TPRG1: variants seen among roughly 807,000 people sequenced by gnomAD.
TPRG1 encodes the protein tumor protein p63 regulated 1.
In TPRG1, 29 loss-of-function variants were observed where a neutral mutation model predicts 29.3. The ratio of observed to expected loss-of-function variants is 0.99; its 90% CI spans 0.74 to 1.35. The LOEUF is 1.35. TPRG1 is among the 40% of genes most tolerant of loss of function. TPRG1 has a pLI of 0.00. For missense variants in TPRG1, 327 were observed against 335.0 expected, an observed-to-expected ratio of 0.98 and a Z score of 0.19; for synonymous variants, 130 against 116.8, an observed-to-expected ratio of 1.11 and a Z score of -0.73.
intron 4 of TPRG1, among the ~76,000 whole-genome samples, chr3:189,239,666 G>A (rs1216869062): frequency 6.6e-6 from 1 of 152,170 alleles, no homozygotes; most frequent in Non-Finnish European, 1.5e-5. Flanking sequence ...CAAAGCGGTA[G>A]CTAAAAAGAG....
chr3:189,288,511 A>G (rs1296054431), intron 4 of TPRG1, among the ~76,000 whole-genome samples: 1 of 152,244 alleles, frequency 6.6e-6, no homozygotes, highest in Non-Finnish European at 1.5e-5. Flanking sequence ...CTGATCATAA[A>G]CCAGTAACTG....
rs373255450 is a variant in TPRG1 at position 189,323,945 on chromosome 3, A to G, written c.*3125A>G. ...CAAATGCCTCACTATCTTCTGATACATCGTAGGCAGTTCTGAGGGTGAGAA... is the reference window on the plus strand; with the variant it reads ...CAAATGCCTCACTATCTTCTGATACGTCGTAGGCAGTTCTGAGGGTGAGAA... On this transcript the variant is annotated 3_prime_UTR_variant, in exon 6 of 6. Coordinates refer to ENST00000345063, the MANE Select transcript of TPRG1 (RefSeq NM_198485.4). The G allele has an allele frequency of 1.3e-5, 2 of 152,146 alleles. No individual in the cohort carries two copies. The highest frequency in any genetic ancestry group is 1.9e-4 in the East Asian group (1 of 5,186). The allele number at this position is 152,146 out of a possible 1,614,324, so 9.4% of individuals were successfully genotyped here.
chr3:189,172,325 G>T (rs944647159), intron 1 of TPRG1, among the ~76,000 whole-genome samples, 194 bp downstream of exon 1: 4 of 149,098 alleles, frequency 2.7e-5, no homozygotes, highest in Admixed American at 1.3e-4. Flanking sequence ...GAGGCTTGTA[G>T]GCTAGCATTT....
intron 5 of TPRG1, among the ~76,000 whole-genome samples, chr3:189,318,728 C>T (rs1001752424): frequency 2.0e-5 from 3 of 152,056 alleles, no homozygotes. Flanking sequence ...CTTTCTTTTC[C>T]AGAGAATTTA....
intron 4 of TPRG1, among the ~76,000 whole-genome samples, chr3:189,039,579 T>G (rs1035257548): frequency 1.3e-5 from 2 of 152,194 alleles, no homozygotes; most frequent in Non-Finnish European, 2.9e-5. Flanking sequence ...CAACAGAAAT[T>G]TGGAGACCTC....
chr3:189,016,883 T>C (rs1208419182), intron 3 of TPRG1, among the ~76,000 whole-genome samples: 1 of 152,202 alleles, frequency 6.6e-6, no homozygotes, highest in African/African-American at 2.4e-5. Flanking sequence ...AAACCTCTTT[T>C]CTTCATAAAT....
intron 5 of TPRG1, chr3:189,315,483 G>A (rs760086567): frequency 4.4e-6 from 2 of 455,142 alleles, no homozygotes; most frequent in African/African-American, 2.0e-5. Flanking sequence ...GCTTTGCTGG[G>A]TTCCTACAGT....
At chr3:189,230,430 A>G (rs1016639592) in intron 3 of TPRG1, among the ~76,000 whole-genome samples, 3 of 151,414 alleles carry the variant, frequency 2.0e-5, no homozygotes, top group African/African-American at 7.3e-5. Context: ...ATAGTCATAA[A>G]TTGCAAAAAA....
At chr3:189,132,929 A>G (rs932974369) in intron 3 of TPRG1, among the ~76,000 whole-genome samples, 2 of 152,172 alleles carry the variant, frequency 1.3e-5, no homozygotes, top group African/African-American at 4.8e-5. Context: ...GGATGGAGAT[A>G]TAATCAACAT....
At chr3:189,070,456 A>G (rs1403537844) in intron 4 of TPRG1, among the ~76,000 whole-genome samples, 1 of 152,192 alleles carries the variant, frequency 6.6e-6, no homozygotes, top group Non-Finnish European at 1.5e-5. Flanking sequence ...TTCTCTGGGG[A>G]TATTTGATTA....
At chr3:189,293,679 T>C (rs1404070344) in intron 4 of TPRG1, among the ~76,000 whole-genome samples, 3 of 152,184 alleles carry the variant, frequency 2.0e-5, no homozygotes, top group Non-Finnish European at 2.9e-5. Flanking sequence ...CAAAGATATT[T>C]CCATCTAAAG....
chr3:189,094,649 T>G (rs1044833990), intron 4 of TPRG1, among the ~76,000 whole-genome samples: 1 of 152,172 alleles, frequency 6.6e-6, no homozygotes, highest in Non-Finnish European at 1.5e-5. Flanking sequence ...ATTATAGCAC[T>G]CAACTTCACC....
intron 4 of TPRG1, among the ~76,000 whole-genome samples, chr3:189,274,978 G>A (rs1560636382): frequency 6.9e-6 from 1 of 145,494 alleles, no homozygotes; most frequent in Non-Finnish European, 1.5e-5. Flanking sequence ...GTGTGTGTGT[G>A]TATGAAGTCA....
intron 1 of TPRG1, among the ~76,000 whole-genome samples, chr3:189,105,434 T>C (rs1457908168): frequency 6.6e-6 from 1 of 152,086 alleles, no homozygotes; most frequent in Admixed American, 6.6e-5. Flanking sequence ...TCTCCCACTA[T>C]TAGCTCTTTT....
intron 4 of TPRG1, among the ~76,000 whole-genome samples, chr3:189,085,049 A>G (rs977516471): frequency 1.3e-5 from 2 of 152,248 alleles, no homozygotes; most frequent in African/African-American, 4.8e-5. Context: ...TAAGAAAAAT[A>G]TGATTGTGCT....
intron 3 of TPRG1, among the ~76,000 whole-genome samples, chr3:189,015,744 C>T (rs1712897385): frequency 6.6e-6 from 1 of 152,190 alleles, no homozygotes; most frequent in African/African-American, 2.4e-5. Context: ...GGTGCAAGCC[C>T]CCCAGACCTT....
At chr3:189,291,384 A>G (rs778355121) in intron 4 of TPRG1, among the ~76,000 whole-genome samples, 15 of 152,212 alleles carry the variant, frequency 9.9e-5, no homozygotes, top group Non-Finnish European at 1.9e-4. Context: ...AGTCTCTTTT[A>G]TCTCTGAAAT....
chr3:189,125,473 G>A (rs948302350), intron 1 of TPRG1, among the ~76,000 whole-genome samples: 2 of 152,096 alleles, frequency 1.3e-5, no homozygotes, highest in African/African-American at 2.4e-5. Context: ...TTCTTCCAGG[G>A]TTGTCTGTTT....
At chr3:189,087,062 G>A (rs937936011) in intron 4 of TPRG1, among the ~76,000 whole-genome samples, 1 of 152,154 alleles carries the variant, frequency 6.6e-6, no homozygotes, top group Non-Finnish European at 1.5e-5. Flanking sequence ...TTTAGTTCTA[G>A]ATCCTTGAGG....
Sources: gnomAD v4.1 joint callset for allele counts (sites outside exome capture counted in the v4.1 genomes callset) on GRCh38, gnomAD v4.1.1 for gene constraint, MANE v1.5 for transcripts, NCBI Gene and HGNC (gene_info 2026-07-23, HGNC 2026-07-21) for gene names.